The following ARHGAP6 variants were observed in gnomAD, a reference collection of about 807,000 sequenced individuals.
ARHGAP6 encodes rho GTPase-activating protein 6.
A neutral mutation model predicts 55.7 loss-of-function variants in ARHGAP6; 16 were observed. The observed-to-expected ratio is 0.29, with a 90% CI of 0.19 to 0.44. The LOEUF (loss-of-function observed/expected upper bound fraction) is 0.44. Ranked by LOEUF, ARHGAP6 falls within the 20% of genes least tolerant of loss-of-function variation. The pLI is 1.00. For synonymous variants in ARHGAP6, 382 were observed against 360.9 expected (o/e 1.06, Z -0.66); for missense variants, 698 against 808.9 (o/e 0.86, Z 1.66).
chrX:11,195,951 T>TA, intron 3 of ARHGAP6, among the ~76,000 whole-genome samples: 1 of 12,165 alleles, frequency 8.2e-5, no homozygotes, highest in Non-Finnish European at 1.5e-4. Context: ...CTGTCTCTAC[T>TA]AAAAATACAA....
rs371454033 is a variant in ARHGAP6, at chrX:11,188,755, C to T, written c.1050G>A (p.Pro350=). Residue 350 remains proline (P), a synonymous_variant, in exon 4 of 13, where the codon CCG becomes CCA. Coordinates refer to ENST00000337414, the MANE Select transcript of ARHGAP6 (RefSeq NM_013427.3). ...TPNESTSPNT[P]EPAPRARRRG... Reference sequence around the variant, plus strand: ...TCCTCCTAGCCCGAGGAGCCGGTTCCGGGGTGTTTGGGGACGTTGACTCAT... The same window carrying T: ...TCCTCCTAGCCCGAGGAGCCGGTTCTGGGGTGTTTGGGGACGTTGACTCAT... 1.2e-4 allele frequency: 140 copies of T among 1,210,035 alleles called. No individual in the cohort carries two copies. Among genetic ancestry groups the T allele is most frequent in the Admixed American group, 8.7e-5 (4 of 45,816 alleles).
intron 7 of ARHGAP6, 99 bp downstream of exon 7, chrX:11,179,203 C>A: frequency 1.1e-6 from 1 of 889,206 alleles, no homozygotes; most frequent in South Asian, 3.8e-5. Context: ...TAAATAAGGA[C>A]AAAAAGTTAT....
chrX:11,477,789 GACAA>G (rs2050417932), intron 1 of ARHGAP6, among the ~76,000 whole-genome samples: 1 of 111,821 alleles, frequency 8.9e-6, no homozygotes, highest in African/African-American at 3.3e-5. Context: ...AGAAATTCTA[GACAA>G]ACAAAACTAA....
At chrX:11,408,254 G>A (rs781540491) in intron 1 of ARHGAP6, among the ~76,000 whole-genome samples, 1 of 110,739 alleles carries the variant, frequency 9.0e-6, no homozygotes, top group Non-Finnish European at 1.9e-5. Context: ...AGGGGGAAGC[G>A]GAATGGAAGA....
intron 1 of ARHGAP6, among the ~76,000 whole-genome samples, chrX:11,581,182 G>C (rs1235006693): frequency 1.8e-5 from 2 of 112,361 alleles, no homozygotes; most frequent in South Asian, 3.7e-4. Flanking sequence ...CAAAAAGATG[G>C]TCTACATCAC....
At chrX:11,404,237 C>A (rs1300668822) in intron 1 of ARHGAP6, among the ~76,000 whole-genome samples, 2 of 111,204 alleles carry the variant, frequency 1.8e-5, no homozygotes, top group Non-Finnish European at 3.8e-5. Flanking sequence ...CATTGCAAAT[C>A]ATCTCAACTT....
At chrX:11,404,672 T>C (rs1026648239) in intron 1 of ARHGAP6, among the ~76,000 whole-genome samples, 1 of 111,554 alleles carries the variant, frequency 9.0e-6, no homozygotes, top group African/African-American at 3.3e-5. Context: ...CAAAGGATAC[T>C]GCTTTGGGTA....
intron 1 of ARHGAP6, among the ~76,000 whole-genome samples, chrX:11,642,522 A>G (rs936156639): frequency 5.4e-5 from 6 of 112,042 alleles, no homozygotes; most frequent in South Asian, 3.7e-4. Flanking sequence ...ATAACCAAAA[A>G]GTGGAAACAA....
intron 1 of ARHGAP6, among the ~76,000 whole-genome samples, chrX:11,411,183 T>TTTTATATATATATATATATATATA (rs1196355643): frequency 3.1e-5 from 1 of 31,791 alleles, no homozygotes; most frequent in African/African-American, 9.8e-5. Context: ...CAGACATTAT[T>TTTTATATATATATATATATATATA]TATATATATA....
rs192735965 is a variant in ARHGAP6, at chrX:11,369,590, T to C, written c.589-114883A>G. Among the ~76,000 whole-genome samples the C allele has an allele frequency of 3.6e-5, 4 of 111,913 alleles. No homozygotes were observed. In the East Asian group the frequency reaches 8.4e-4, roughly 23 times the overall value. ...ATCCCTCTAAAACTCAGTTTTCTTATATATGAGATACAAAGAATAACAATT... is the reference window on the plus strand; with the variant it reads ...ATCCCTCTAAAACTCAGTTTTCTTACATATGAGATACAAAGAATAACAATT... On this transcript the variant is annotated intron_variant, in intron 1 of 12. Coordinates refer to ENST00000337414, the MANE Select transcript of ARHGAP6 (RefSeq NM_013427.3).
chrX:11,519,052 G>A (rs1211499920), intron 1 of ARHGAP6, among the ~76,000 whole-genome samples: 1 of 93,624 alleles, frequency 1.1e-5, no homozygotes, highest in African/African-American at 4.2e-5. Flanking sequence ...CATTTGGGTT[G>A]GTTCCAAGTC....
At chrX:11,472,723 C>A (rs1293674602) in intron 1 of ARHGAP6, among the ~76,000 whole-genome samples, 1 of 111,365 alleles carries the variant, frequency 9.0e-6, no homozygotes, top group Non-Finnish European at 1.9e-5. Flanking sequence ...ACTGTGGGAG[C>A]AGAAATAGGG....
intron 1 of ARHGAP6, among the ~76,000 whole-genome samples, chrX:11,341,939 C>T (rs73496915): frequency 0.056 from 6,158 of 110,100 alleles, 208 homozygotes; most frequent in African/African-American, 0.12. Flanking sequence ...ACGAATTTCA[C>T]CTTATGACAT....
intron 1 of ARHGAP6, among the ~76,000 whole-genome samples, chrX:11,344,714 G>GAAAAGAAAAGAA (rs2048756507): frequency 1.3e-5 from 1 of 78,206 alleles, no homozygotes; most frequent in African/African-American, 4.7e-5. Flanking sequence ...AGAAAAGAAA[G>GAAAAGAAAAGAA]AAAAGAAAAG....
At chrX:11,457,067 T>A (rs973105135) in intron 1 of ARHGAP6, among the ~76,000 whole-genome samples, 4 of 111,628 alleles carry the variant, frequency 3.6e-5, no homozygotes, top group Non-Finnish European at 7.5e-5. Flanking sequence ...TAGTCACAGC[T>A]GGAACCCTGT....
intron 1 of ARHGAP6, among the ~76,000 whole-genome samples, chrX:11,266,909 A>G (rs1482003251): frequency 9.6e-6 from 1 of 104,590 alleles, no homozygotes; most frequent in African/African-American, 3.4e-5. Context: ...AGCCACACAT[A>G]GCCTCTGCTG....
intron 10 of ARHGAP6, chrX:11,145,181 T>A (rs1014560131): frequency 1.3e-4 from 15 of 112,703 alleles, no homozygotes; most frequent in African/African-American, 4.5e-4. Flanking sequence ...TTTTCCCCCT[T>A]ACTTCACTTC....
chrX:11,230,937 C>T (rs770433757), intron 2 of ARHGAP6, among the ~76,000 whole-genome samples: 67 of 110,599 alleles, frequency 6.1e-4, no homozygotes, highest in Non-Finnish European at 1.3e-4. Context: ...ATTGACACAT[C>T]ATTATCACCC....
rs139707133 is a variant in ARHGAP6 at position 11,425,876 on chromosome X, T to G, written c.589-171169A>C. Among the ~76,000 whole-genome samples, 740 of 111,850 alleles carry G rather than the reference T, an allele frequency of 6.6e-3. 3 individuals carry two copies. The highest frequency in any genetic ancestry group is 0.018 in the Middle Eastern group (4 of 218). On this transcript the variant is annotated intron_variant, in intron 1 of 12. Transcript: ENST00000337414. ...TGCAAATGGCAAAGACCTCAGATCA[T>G]GAATCAAAGGGTACCAGCACACAGT...
Sources: gnomAD v4.1 joint callset for allele counts (sites outside exome capture counted in the v4.1 genomes callset) on GRCh38, gnomAD v4.1.1 for gene constraint, MANE v1.5 for transcripts, NCBI Gene and HGNC (gene_info 2026-07-23, HGNC 2026-07-21) for gene names.